The following GPR158 variants were observed in gnomAD, a reference collection of about 807,000 sequenced individuals.
The protein encoded by GPR158 is G protein-coupled receptor 158, also known as metabotropic glycine receptor.
Under a neutral mutation model 78.2 loss-of-function variants are expected in GPR158, and 30 were observed. That is an observed-to-expected ratio of 0.38 (90% CI 0.29 to 0.52). The LOEUF is 0.52. Among genes scored for constraint, GPR158 ranks in the 20% least tolerant of loss-of-function variants. The pLI, the probability that GPR158 is intolerant of heterozygous loss-of-function variation, is 0.83. For missense variants in GPR158, 1,463 were observed against 1,523.5 expected (o/e 0.96, Z 0.66); for synonymous variants, 581 against 591.1 (o/e 0.98, Z 0.25).
rs1343574763 is a variant in GPR158, at chr10:25,253,518, G to A, written c.1008+32361G>A. On this transcript the variant is annotated intron_variant, in intron 2 of 10. Coordinates refer to ENST00000376351, the MANE Select transcript of GPR158 (RefSeq NM_020752.3). Reference sequence around the variant, plus strand: ...GAGTCCACCTTTGACTTTGAGATTGGAAGGAATAGTTGATTATTATTGGTA... The same window carrying A: ...GAGTCCACCTTTGACTTTGAGATTGAAAGGAATAGTTGATTATTATTGGTA... Among the ~76,000 whole-genome samples the A allele has an allele frequency of 5.9e-5, 9 of 152,280 alleles. No individual in the cohort carries two copies. The South Asian group carries it at 1.2e-3, about 21-fold the overall frequency.
chr10:25,284,972 T>A (rs12268802), intron 2 of GPR158, among the ~76,000 whole-genome samples: 60 of 152,290 alleles, frequency 3.9e-4, no homozygotes, highest in African/African-American at 1.4e-3. Context: ...ATTGCTATTA[T>A]TTTTTATTTA....
chr10:25,540,963 T>C (rs1409627183), intron 5 of GPR158, among the ~76,000 whole-genome samples: 167 of 146,464 alleles, frequency 1.1e-3, no homozygotes, highest in South Asian at 2.3e-3. Flanking sequence ...TATATATATA[T>C]ATATATATAT....
At chr10:25,256,108 T>C (rs1853885214) in intron 2 of GPR158, among the ~76,000 whole-genome samples, 1 of 152,078 alleles carries the variant, frequency 6.6e-6, no homozygotes, top group South Asian at 2.1e-4. Flanking sequence ...TACCATAGCC[T>C]GTGACTGCCA....
At chr10:25,320,442 C>T (rs761801865) in intron 2 of GPR158, among the ~76,000 whole-genome samples, 7 of 152,186 alleles carry the variant, frequency 4.6e-5, no homozygotes, top group Admixed American at 2.0e-4. Flanking sequence ...TCACACTTGC[C>T]ATGGTGTTTT....
chr10:25,504,032 A>G (rs1290082046), intron 5 of GPR158, among the ~76,000 whole-genome samples: 5 of 151,802 alleles, frequency 3.3e-5, no homozygotes, highest in Non-Finnish European at 7.4e-5. Context: ...CTGGGATTAC[A>G]GGTGCCTGCC....
intron 2 of GPR158, among the ~76,000 whole-genome samples, chr10:25,388,314 C>T (rs150971035): frequency 4.1e-4 from 62 of 152,272 alleles, no homozygotes; most frequent in African/African-American, 1.2e-3. Flanking sequence ...GCAGCAGTGG[C>T]GGCAGTGGGT....
chr10:25,582,875 C>T (rs1837221479), intron 7 of GPR158, among the ~76,000 whole-genome samples: 1 of 152,170 alleles, frequency 6.6e-6, no homozygotes, highest in Non-Finnish European at 1.5e-5. Flanking sequence ...CCTTTAATTA[C>T]CACAGGCTAT....
intron 6 of GPR158, among the ~76,000 whole-genome samples, chr10:25,568,095 G>A (rs1588916184): frequency 6.6e-6 from 1 of 151,756 alleles, no homozygotes; most frequent in African/African-American, 2.4e-5. Flanking sequence ...GCAAAGGTAG[G>A]TTGGAGAACA....
intron 2 of GPR158, among the ~76,000 whole-genome samples, chr10:25,293,749 T>C (rs905188704): frequency 2.9e-5 from 1 of 34,176 alleles, no homozygotes; most frequent in South Asian, 7.1e-4. Context: ...CCTGTAATTT[T>C]TTTTTTTTTT....
Position 25,294,620 on chromosome 10 carries a change from T to G in GPR158, c.1008+73463T>G, listed in dbSNP as rs189307424. ...GTGATAGTATGGATAGCAAGAGGAA[T>G]GTGGAAAAAAAAAATGGCAACCTCT... On this transcript the variant is annotated intron_variant, in intron 2 of 10. Coordinates refer to ENST00000376351, the MANE Select transcript of GPR158 (RefSeq NM_020752.3). 6.7e-3 allele frequency among the ~76,000 whole-genome samples: 723 copies of G among 108,178 alleles called. 9 individuals are homozygous for G. Among genetic ancestry groups the G allele is most frequent in the African/African-American group, 0.019 (668 of 34,926 alleles). The allele number at this position is 108,178 out of a possible 152,430, so 71.0% of individuals were successfully genotyped here.
intron 2 of GPR158, among the ~76,000 whole-genome samples, chr10:25,394,038 C>CA (rs1834337040): frequency 6.6e-6 from 1 of 151,946 alleles, no homozygotes; most frequent in African/African-American, 2.4e-5. Context: ...ATCACTTCAC[C>CA]GTGAGCATTT....
intron 2 of GPR158, among the ~76,000 whole-genome samples, chr10:25,238,347 C>T (rs1853556209): frequency 6.6e-6 from 1 of 152,182 alleles, no homozygotes; most frequent in Admixed American, 6.5e-5. Context: ...CGCATAATAC[C>T]TGGGAGTCCT....
chr10:25,446,616 A>G (rs1001698352), intron 4 of GPR158, among the ~76,000 whole-genome samples: 1 of 152,238 alleles, frequency 6.6e-6, no homozygotes, highest in African/African-American at 2.4e-5. Flanking sequence ...GTTAACGGCT[A>G]GAAGTGCCAT....
intron 1 of GPR158, among the ~76,000 whole-genome samples, chr10:25,202,232 G>A (rs1852939685): frequency 6.6e-6 from 1 of 151,944 alleles, no homozygotes; most frequent in African/African-American, 2.4e-5. Flanking sequence ...AATACTGGGA[G>A]GCTGTATGTC....
intron 2 of GPR158, among the ~76,000 whole-genome samples, chr10:25,274,014 C>G (rs1478748095): frequency 6.6e-6 from 1 of 152,124 alleles, no homozygotes; most frequent in Non-Finnish European, 1.5e-5. Context: ...TGGTTTTTCT[C>G]TGCTCCGTGT....
chr10:25,312,946 A>G (rs1335971927), intron 2 of GPR158, among the ~76,000 whole-genome samples: 1 of 152,072 alleles, frequency 6.6e-6, no homozygotes, highest in Non-Finnish European at 1.5e-5. Flanking sequence ...CAGTAGAAAA[A>G]GCAATAATAT....
chr10:25,436,463 A>G (rs1243160443), intron 4 of GPR158, among the ~76,000 whole-genome samples: 2 of 152,238 alleles, frequency 1.3e-5, no homozygotes, highest in African/African-American at 4.8e-5. Flanking sequence ...GAAGTATAGA[A>G]AGAAGAAAAC....
At chr10:25,539,134 A>G (rs1475489514) in intron 5 of GPR158, among the ~76,000 whole-genome samples, 1 of 152,120 alleles carries the variant, frequency 6.6e-6, no homozygotes, top group East Asian at 1.9e-4. Flanking sequence ...TGGGTGTTCT[A>G]ACCTATGCAT....
At chr10:25,427,481 T>G (rs1834840846) in intron 4 of GPR158, among the ~76,000 whole-genome samples, 1 of 152,096 alleles carries the variant, frequency 6.6e-6, no homozygotes, top group Admixed American at 6.6e-5. Context: ...CCATAATAGT[T>G]TCTTTCAGTC....
Sources: gnomAD v4.1 joint callset for allele counts (sites outside exome capture counted in the v4.1 genomes callset) on GRCh38, gnomAD v4.1.1 for gene constraint, MANE v1.5 for transcripts, NCBI Gene and HGNC (gene_info 2026-07-23, HGNC 2026-07-21) for gene names.